Variants in EIPR1 observed in about 807,000 individuals in gnomAD.
EIPR1 encodes EARP complex and GARP complex interacting protein 1.
EIPR1 carries 25 observed loss-of-function variants against 48.1 expected under a neutral mutation model. That is an observed-to-expected ratio of 0.52 (90% CI 0.38 to 0.73). The LOEUF (loss-of-function observed/expected upper bound fraction) is 0.73, where lower values mean the gene tolerates loss of function less well. Among genes scored for constraint, EIPR1 ranks in the 30% least tolerant of loss-of-function variants. EIPR1 has a pLI of 0.00. For synonymous variants in EIPR1, 204 were observed against 201.9 expected (o/e 1.01, Z -0.09); for missense variants, 415 against 506.2 (o/e 0.82, Z 1.73).
At chr2:3,340,081 T>A (rs763390351) in intron 2 of EIPR1, among the ~76,000 whole-genome samples, 20 of 152,268 alleles carry the variant, frequency 1.3e-4, no homozygotes, top group Admixed American at 7.2e-4. Flanking sequence ...AAGCAGATGC[T>A]GCTATGTTTC....
intron 3 of EIPR1, chr2:3,319,195 A>G (rs1669414434): frequency 3.0e-6 from 1 of 335,362 alleles, no homozygotes; most frequent in South Asian, 2.4e-5. Flanking sequence ...TGTTTATACA[A>G]CAAGGCGTAT....
chr2:3,314,869 T>C (rs1391270029), intron 3 of EIPR1, among the ~76,000 whole-genome samples: 1 of 151,882 alleles, frequency 6.6e-6, no homozygotes, highest in African/African-American at 2.4e-5. Context: ...CCACGGGCTC[T>C]GCCTGGTGAC....
At chr2:3,328,310 C>T (rs747985434) in intron 3 of EIPR1, among the ~76,000 whole-genome samples, 4 of 152,244 alleles carry the variant, frequency 2.6e-5, no homozygotes, top group Admixed American at 2.6e-4. Flanking sequence ...GGGTCCACCA[C>T]GTTTAATGCT....
intron 4 of EIPR1, among the ~76,000 whole-genome samples, chr2:3,236,620 G>A (rs1441660108): frequency 3.9e-5 from 6 of 152,338 alleles, no homozygotes; most frequent in South Asian, 2.1e-4. Context: ...GGATCCCAGA[G>A]GGCCAGCTTC....
chr2:3,286,509 G>A lies in EIPR1; in HGVS notation c.260-29054C>T, dbSNP rs79791979. ...GAGAGGTGAGGGACACTTGGTGTCC[G>A]TGACAGGGAAAGGCTGAGGCATCAG... is the stretch of plus-strand genomic sequence containing the variant. On this transcript the variant is annotated intron_variant, in intron 3 of 8. Transcript: ENST00000382125. This position sits in a 1 kb window ranked among gnomAD's most constrained non-coding sequence, Gnocchi z 4.2. Among the ~76,000 whole-genome samples, 11 of 152,320 alleles carry A rather than the reference G, an allele frequency of 7.2e-5. No homozygotes were observed. Among genetic ancestry groups the A allele is most frequent in the East Asian group, 5.8e-4 (3 of 5,176 alleles).
At chr2:3,285,870 G>C (rs1352352098) in intron 3 of EIPR1, among the ~76,000 whole-genome samples, 1 of 131,228 alleles carries the variant, frequency 7.6e-6, no homozygotes, top group East Asian at 2.2e-4. Flanking sequence ...CCCTCGCACG[G>C]AGCAGAAGTC....
chr2:3,304,761 C>T (rs1457393478), intron 3 of EIPR1, among the ~76,000 whole-genome samples: 2 of 150,622 alleles, frequency 1.3e-5, no homozygotes, highest in Non-Finnish European at 3.0e-5. Flanking sequence ...CCAGTTCAGC[C>T]CTCCAGTCCC....
intron 4 of EIPR1, among the ~76,000 whole-genome samples, chr2:3,247,270 C>T (rs1006572995): frequency 3.9e-5 from 6 of 152,142 alleles, no homozygotes; most frequent in Non-Finnish European, 8.8e-5. Flanking sequence ...AACAAGAATG[C>T]GCCGAGGTTT....
intron 4 of EIPR1, among the ~76,000 whole-genome samples, chr2:3,219,688 C>T (rs200023040): frequency 5.3e-4 from 76 of 143,098 alleles, no homozygotes; most frequent in African/African-American, 1.8e-3. Context: ...AGGTGCACAC[C>T]CAACACAACC....
At chr2:3,297,884 C>G (rs904554853) in intron 3 of EIPR1, among the ~76,000 whole-genome samples, 5 of 152,180 alleles carry the variant, frequency 3.3e-5, no homozygotes, top group African/African-American at 1.2e-4. Context: ...TGCAGTGGCT[C>G]CATCTCAGCT....
chr2:3,377,557 G>A, intron 1 of EIPR1, 91 bp downstream of exon 1: 1 of 1,480,272 alleles, frequency 6.8e-7, no homozygotes, highest in East Asian at 2.5e-5. Flanking sequence ...TGCAGGGCTG[G>A]TGGGAGATCT....
At chr2:3,204,856 C>A (rs931959392) in intron 5 of EIPR1, among the ~76,000 whole-genome samples, 1 of 151,956 alleles carries the variant, frequency 6.6e-6, no homozygotes, top group East Asian at 1.9e-4. Context: ...TACATGCAGG[C>A]GCACTCCCAG....
intron 5 of EIPR1, among the ~76,000 whole-genome samples, chr2:3,201,773 C>T (rs985494059): frequency 1.3e-5 from 2 of 152,178 alleles, no homozygotes; most frequent in African/African-American, 4.8e-5. Context: ...TGATGGAATA[C>T]AGTTTCCTAA....
chr2:3,283,170 C>T (rs1296713981), intron 3 of EIPR1, among the ~76,000 whole-genome samples: 2 of 152,214 alleles, frequency 1.3e-5, no homozygotes, highest in Non-Finnish European at 2.9e-5. Flanking sequence ...TGCCCCAACC[C>T]TTGGCTCCCA....
At chr2:3,191,361 T>C (rs931332348) in intron 8 of EIPR1, among the ~76,000 whole-genome samples, 13 of 138,924 alleles carry the variant, frequency 9.4e-5, no homozygotes, top group South Asian at 4.6e-4. Flanking sequence ...AGAGAGGGTC[T>C]GAAGACAGAG....
intron 3 of EIPR1, among the ~76,000 whole-genome samples, chr2:3,325,764 T>C (rs1331562559): frequency 6.6e-6 from 1 of 152,242 alleles, no homozygotes; most frequent in Non-Finnish European, 1.5e-5. Flanking sequence ...CTTTGTAACA[T>C]ATCTACATTC....
chr2:3,293,563 C>A (rs559596947), intron 3 of EIPR1, among the ~76,000 whole-genome samples: 12 of 152,366 alleles, frequency 7.9e-5, no homozygotes, highest in African/African-American at 2.9e-4. Context: ...TCAGCCACGA[C>A]TGGACCAGTC....
At chr2:3,192,690 C>T in intron 7 of EIPR1, 109 bp from the exon 8 acceptor site, 1 of 1,143,144 alleles carries the variant, frequency 8.7e-7, no homozygotes, top group Non-Finnish European at 1.2e-6. Context: ...ACGTTAGGCA[C>T]TGCCAGGCAA....
chr2:3,370,516 G>T (rs1671088473), intron 1 of EIPR1, among the ~76,000 whole-genome samples: 1 of 152,116 alleles, frequency 6.6e-6, no homozygotes, highest in Non-Finnish European at 1.5e-5. Flanking sequence ...TGTATAACTA[G>T]AATAACCAAT....
Sources: allele counts gnomAD v4.1 joint callset (sites outside exome capture counted in the v4.1 genomes callset), GRCh38; gene constraint gnomAD v4.1.1; non-coding constraint Gnocchi (gnomAD v3.1); transcripts MANE v1.5; gene names NCBI Gene and HGNC (gene_info 2026-07-23, HGNC 2026-07-21).